Variants in AJAP1 observed in about 807,000 individuals in gnomAD.
AJAP1 encodes the protein adherens junctions associated protein 1.
AJAP1 carries 5 observed loss-of-function variants against 35.0 expected under a neutral mutation model. The ratio of observed to expected loss-of-function variants is 0.14; its 90% CI spans 0.07 to 0.30. AJAP1 has a LOEUF of 0.30. Ranked by LOEUF, AJAP1 falls within the 10% of genes least tolerant of loss-of-function variation. The pLI is 1.00. For missense variants in AJAP1, 586 were observed against 571.0 expected (o/e 1.03, Z -0.27); for synonymous variants, 284 against 249.3 (o/e 1.14, Z -1.31).
intron 1 of AJAP1, among the ~76,000 whole-genome samples, chr1:4,667,673 G>T (rs775790028): frequency 7.2e-5 from 11 of 152,178 alleles, no homozygotes; most frequent in Non-Finnish European, 1.3e-4. Context: ...CTCCTGCTGT[G>T]AGGACAGTTC....
Position 4,722,570 on chromosome 1 carries a change from A to C in AJAP1, c.829+9871A>C, listed in dbSNP as rs528699384. Among the ~76,000 whole-genome samples, 6 of 152,356 alleles carry C rather than the reference A, an allele frequency of 3.9e-5. No individual in the cohort carries two copies. In the South Asian group the frequency reaches 1.0e-3, roughly 26 times the overall value. Reference sequence around the variant, plus strand: ...GTCTGCATGGTTTAAACAGAAACCTATTCTCCAGCTGTTTTGGAGGCCGGA... The same window carrying C: ...GTCTGCATGGTTTAAACAGAAACCTCTTCTCCAGCTGTTTTGGAGGCCGGA... On this transcript the variant is annotated intron_variant, in intron 2 of 5. Coordinates refer to ENST00000378191, the MANE Select transcript of AJAP1 (RefSeq NM_018836.4).
intron 2 of AJAP1, among the ~76,000 whole-genome samples, chr1:4,730,415 C>T (rs577819966): frequency 7.9e-5 from 12 of 152,154 alleles, no homozygotes; most frequent in Non-Finnish European, 1.5e-4. Flanking sequence ...CAGCCTGGAG[C>T]CCAGAGAAGC....
intron 2 of AJAP1, among the ~76,000 whole-genome samples, chr1:4,762,210 G>A (rs1641581424): frequency 6.6e-6 from 1 of 152,236 alleles, no homozygotes; most frequent in South Asian, 2.1e-4. Flanking sequence ...TGAATTCTGT[G>A]TCTGCCATGT....
chr1:4,695,659 G>A (rs1639842807), intron 1 of AJAP1, among the ~76,000 whole-genome samples: 1 of 152,146 alleles, frequency 6.6e-6, no homozygotes. Context: ...TCCTGCTGAG[G>A]CCGCTCCTGG....
At position 4,776,891 on chromosome 1, in the gene AJAP1, C is replaced by T. The variant is rs138122329; in HGVS notation, c.*59+2333C>T. ...GTCGTCCGCAGAGTTCAGAAGAGCC[C>T]GTGAGGCTTACTGAAGGCAGCTGCG... On this transcript the variant is annotated intron_variant, in intron 5 of 5. Transcript: ENST00000378191. Among the ~76,000 whole-genome samples the T allele has an allele frequency of 1.7e-3, 255 of 152,310 alleles. 3 individuals carry two copies. The highest frequency in any genetic ancestry group is 6.9e-3 in the Admixed American group (106 of 15,304).
chr1:4,674,993 C>A (rs774884064), intron 1 of AJAP1, among the ~76,000 whole-genome samples: 7 of 152,232 alleles, frequency 4.6e-5, no homozygotes, highest in Non-Finnish European at 1.0e-4. Flanking sequence ...GAACCGTCGT[C>A]CTGCAGGCTT....
At chr1:4,748,380 C>T (rs1641240928) in intron 2 of AJAP1, among the ~76,000 whole-genome samples, 1 of 152,138 alleles carries the variant, frequency 6.6e-6, no homozygotes, top group South Asian at 2.1e-4. Flanking sequence ...CCGGCCAGCA[C>T]CTGCAAGGGG....
rs139274443 is a variant in AJAP1 at position 4,732,882 on chromosome 1, G to A, written c.829+20183G>A. Among the ~76,000 whole-genome samples, 407 of 152,270 alleles carry A rather than the reference G, an allele frequency of 2.7e-3. 5 individuals carry two copies. The highest frequency in any genetic ancestry group is 9.3e-3 in the African/African-American group (388 of 41,552). On this transcript the variant is annotated intron_variant, in intron 2 of 5. Coordinates refer to ENST00000378191, the MANE Select transcript of AJAP1 (RefSeq NM_018836.4). ...AGCTGTTTCTTTTCTTTCCCCTGACGCTCTTGGGAGATCCTTGGAGGAACT... is the reference window on the plus strand; with the variant it reads ...AGCTGTTTCTTTTCTTTCCCCTGACACTCTTGGGAGATCCTTGGAGGAACT...
intron 1 of AJAP1, among the ~76,000 whole-genome samples, chr1:4,661,765 C>G (rs1222499176): frequency 6.6e-6 from 1 of 152,168 alleles, no homozygotes; most frequent in Admixed American, 6.5e-5. Flanking sequence ...TCACAAGTCT[C>G]TCTGGTACCC....
At chr1:4,671,836 G>C (rs1639255306) in intron 1 of AJAP1, among the ~76,000 whole-genome samples, 1 of 152,208 alleles carries the variant, frequency 6.6e-6, no homozygotes, top group South Asian at 2.1e-4. Flanking sequence ...TGCTTCACGA[G>C]GAAGCTGGTC....
intron 2 of AJAP1, among the ~76,000 whole-genome samples, chr1:4,714,532 A>G (rs191268894): frequency 3.9e-5 from 6 of 152,320 alleles, no homozygotes; most frequent in Admixed American, 3.9e-4. Flanking sequence ...CTAAAGTTAA[A>G]CACCCGGGAC....
chr1:4,740,776 A>G (rs1570178802), intron 2 of AJAP1, among the ~76,000 whole-genome samples: 1 of 96,074 alleles, frequency 1.0e-5, no homozygotes, highest in South Asian at 4.9e-4. Flanking sequence ...ACAGAGCAAG[A>G]CTCCGTCTCA....
At chr1:4,667,938 G>A (rs149995826) in intron 1 of AJAP1, among the ~76,000 whole-genome samples, 61 of 152,334 alleles carry the variant, frequency 4.0e-4, no homozygotes, top group African/African-American at 1.4e-3. Context: ...GGTAAGGCCA[G>A]GAGTGTTTGC....
At chr1:4,719,082 AT>A (rs1365699601) in intron 2 of AJAP1, among the ~76,000 whole-genome samples, 6 of 152,330 alleles carry the variant, frequency 3.9e-5, no homozygotes, top group African/African-American at 1.2e-4. Context: ...AGTGGGTTGA[AT>A]TCATGATTGC....
intron 5 of AJAP1, among the ~76,000 whole-genome samples, chr1:4,779,333 T>C (rs1444871477): frequency 6.6e-6 from 1 of 151,238 alleles, no homozygotes; most frequent in African/African-American, 2.4e-5. Flanking sequence ...TTTTTCTTTT[T>C]CTTTTTCTTT....
chr1:4,733,723 C>T (rs1037179327), intron 2 of AJAP1, among the ~76,000 whole-genome samples: 4 of 152,038 alleles, frequency 2.6e-5, no homozygotes, highest in Non-Finnish European at 5.9e-5. Flanking sequence ...TGGTCCAGGA[C>T]AGCCCACCCC....
At chr1:4,663,379 G>A (rs1020572845) in intron 1 of AJAP1, among the ~76,000 whole-genome samples, 3 of 152,168 alleles carry the variant, frequency 2.0e-5, no homozygotes, top group South Asian at 2.1e-4. Flanking sequence ...GGTGTTAGAT[G>A]CTGCCACTCA....
intron 1 of AJAP1, among the ~76,000 whole-genome samples, chr1:4,708,112 T>A (rs1442075661): frequency 6.6e-6 from 1 of 151,098 alleles, no homozygotes; most frequent in Non-Finnish European, 1.5e-5. Context: ...GGACTACAGG[T>A]GTACGCCACC....
rs544126277 is a variant in AJAP1, at chr1:4,739,360, G to A, written c.829+26661G>A. 1.4e-4 allele frequency among the ~76,000 whole-genome samples: 22 copies of A among 152,308 alleles called. No individual in the cohort carries two copies. The East Asian group carries it at 2.9e-3, about 20-fold the overall frequency. ...GTCCGTCCAAGCACAGACATCTCCC[G>A]TCTGTCGGCAGCAATGGTCATGCGA... is the stretch of plus-strand genomic sequence containing the variant. On this transcript the variant is annotated intron_variant, in intron 2 of 5. Coordinates refer to ENST00000378191, the MANE Select transcript of AJAP1 (RefSeq NM_018836.4).
Sources: gnomAD v4.1 joint callset for allele counts (sites outside exome capture counted in the v4.1 genomes callset) on GRCh38, gnomAD v4.1.1 for gene constraint, MANE v1.5 for transcripts, NCBI Gene and HGNC (gene_info 2026-07-23, HGNC 2026-07-21) for gene names.